The following CLTCL1 variants were observed in gnomAD, a reference collection of about 807,000 sequenced individuals.
The protein encoded by CLTCL1 is clathrin heavy chain like 1.
CLTCL1 carries 159 observed loss-of-function variants against 190.0 expected under a neutral mutation model. The ratio of observed to expected loss-of-function variants is 0.84; its 90% CI spans 0.74 to 0.95. CLTCL1 has a LOEUF of 0.95. Ranked by LOEUF, CLTCL1 falls within the 40% of genes least tolerant of loss-of-function variation. The probability of loss-of-function intolerance (pLI) is 0.00; values close to 1 mark genes in which losing one functional copy is unlikely to be tolerated. For missense variants in CLTCL1, 1,878 were observed against 2,033.4 expected (o/e 0.92, Z 1.47); for synonymous variants, 752 against 769.6 (o/e 0.98, Z 0.38).
chr22:19,190,944 A>C (rs1218705882), intron 27 of CLTCL1, among the ~76,000 whole-genome samples: 1 of 151,976 alleles, frequency 6.6e-6, no homozygotes. Context: ...CGCCCAGCTA[A>C]TTTTTGTATT....
At chr22:19,244,855 T>C (rs573232294) in intron 3 of CLTCL1, among the ~76,000 whole-genome samples, 45 of 152,344 alleles carry the variant, frequency 3.0e-4, no homozygotes, top group African/African-American at 1.1e-3. Context: ...AGCAAATGCA[T>C]TCATTGTGCC....
chr22:19,290,776 T>C (rs1462559840), intron 1 of CLTCL1, among the ~76,000 whole-genome samples: 1 of 152,234 alleles, frequency 6.6e-6, no homozygotes, highest in East Asian at 1.9e-4. Flanking sequence ...CCTGTTCTTA[T>C]TGAATGAAGA....
Position 19,199,660 on chromosome 22 carries a change from G to A in CLTCL1, c.3873+74C>T, listed in dbSNP as rs2084817835. The A allele has an allele frequency of 5.4e-6, 6 of 1,120,132 alleles. 1 individual carries two copies. The South Asian group carries it at 9.0e-5, about 17-fold the overall frequency. The allele number at this position is 1,120,132 out of a possible 1,614,324, so 69.4% of individuals were successfully genotyped here. Reference sequence around the variant, plus strand: ...CACTGTGATGGTCACGAGCTAAGGGGATGACCGTGCCTCTCTGTGGAGTGT... The same window carrying A: ...CACTGTGATGGTCACGAGCTAAGGGAATGACCGTGCCTCTCTGTGGAGTGT... On this transcript the variant is annotated intron_variant, in intron 24 of 32. Transcript: ENST00000427926.
chr22:19,199,677 G>A, intron 24 of CLTCL1, 57 bp downstream of exon 24: 1 of 1,350,628 alleles, frequency 7.4e-7, no homozygotes, highest in South Asian at 1.3e-5. Context: ...GTGCCTCTCT[G>A]TGGAGTGTTT....
chr22:19,216,409 A>C (rs2085386853), intron 18 of CLTCL1, among the ~76,000 whole-genome samples, 153 bp from the exon 19 acceptor site: 1 of 152,270 alleles, frequency 6.6e-6, no homozygotes, highest in Non-Finnish European at 1.5e-5. Context: ...AAGGGTTTTC[A>C]AAGTTAATTT....
At chr22:19,260,779 CAAAAAAAA>C (rs34267370) in intron 2 of CLTCL1, among the ~76,000 whole-genome samples, 5 of 56,938 alleles carry the variant, frequency 8.8e-5, no homozygotes, top group African/African-American at 3.5e-4. Flanking sequence ...AACTCTGTCT[CAAAAAAAA>C]AAAAAAAAAA....
intron 22 of CLTCL1, among the ~76,000 whole-genome samples, chr22:19,202,326 G>T (rs1299494497): frequency 6.9e-6 from 1 of 145,832 alleles, no homozygotes; most frequent in Non-Finnish European, 1.5e-5. Context: ...ATTCATGAAG[G>T]CTAACATCAA....
chr22:19,261,335 C>A (rs2086943478), intron 2 of CLTCL1, among the ~76,000 whole-genome samples: 1 of 152,164 alleles, frequency 6.6e-6, no homozygotes, highest in South Asian at 2.1e-4. Flanking sequence ...TGGTCTCGAC[C>A]TCCTGACCTT....
At chr22:19,252,381 G>A (rs1309651708) in intron 3 of CLTCL1, among the ~76,000 whole-genome samples, 18 of 152,002 alleles carry the variant, frequency 1.2e-4, no homozygotes, top group African/African-American at 3.1e-4. Context: ...TATCATCCAC[G>A]GTGGGTGACC....
intron 3 of CLTCL1, among the ~76,000 whole-genome samples, chr22:19,252,810 C>T (rs1397742807): frequency 2.0e-4 from 30 of 152,194 alleles, no homozygotes; most frequent in Admixed American, 6.5e-4. Flanking sequence ...GTCAGGAGAT[C>T]AAGGCCATCC....
At chr22:19,262,440 G>A (rs1555976017) in intron 2 of CLTCL1, among the ~76,000 whole-genome samples, 1 of 150,032 alleles carries the variant, frequency 6.7e-6, no homozygotes, top group African/African-American at 2.4e-5. Context: ...AGACCATCCT[G>A]GCTAATGTGG....
intron 2 of CLTCL1, among the ~76,000 whole-genome samples, chr22:19,269,914 T>A (rs1417305993): frequency 6.6e-6 from 1 of 151,662 alleles, no homozygotes; most frequent in Non-Finnish European, 1.5e-5. Flanking sequence ...ACCTGCATGT[T>A]CTGCACATGT....
chr22:19,244,956 G>GC (rs2086370916), intron 3 of CLTCL1, among the ~76,000 whole-genome samples: 3 of 152,142 alleles, frequency 2.0e-5, no homozygotes, highest in Admixed American at 1.3e-4. Context: ...AAGTACACAA[G>GC]CAACTGCAAT....
In CLTCL1 at chr22:19,264,517, A is replaced by T. The variant is rs150204668; in HGVS notation, c.251-10290T>A. Among the ~76,000 whole-genome samples, 729 of 152,290 alleles carry T rather than the reference A, an allele frequency of 4.8e-3. 5 individuals carry two copies. Among genetic ancestry groups the T allele is most frequent in the Admixed American group, 8.9e-3 (136 of 15,284 alleles). On this transcript the variant is annotated intron_variant, in intron 2 of 32. Transcript: ENST00000427926. ...ATGTTAACAGCGGAATTATTTACAG[A>T]TCTAGCTTTTTTTGAGGTACTACTA...
chr22:19,224,076 T>C (rs1555954336), intron 13 of CLTCL1, 22 bp from the exon 14 acceptor site: 1 of 1,613,104 alleles, frequency 6.2e-7, no homozygotes, highest in East Asian at 2.2e-5. Context: ...GACCATTCCA[T>C]TTTTGTCCTT....
chr22:19,265,314 T>C (rs2087086082), intron 2 of CLTCL1, among the ~76,000 whole-genome samples: 1 of 152,188 alleles, frequency 6.6e-6, no homozygotes, highest in South Asian at 2.1e-4. Context: ...TAACAGCTTA[T>C]GGTAAATGAC....
rs901270141 is a variant in CLTCL1, at chr22:19,291,299, G to C, written c.42+301C>G. ...GCCCTTGGGTTGCCCTGCCTGCAGC[G>C]GGAATTTGTGTGCCTCCTCGCGGGC... On this transcript the variant is annotated intron_variant, in intron 1 of 32. Transcript: ENST00000427926. 2.6e-5 allele frequency among the ~76,000 whole-genome samples: 4 copies of C among 152,194 alleles called. No homozygotes were observed. The South Asian group carries it at 8.3e-4, about 31-fold the overall frequency.
At chr22:19,214,008 C>T (rs1265338955) in intron 19 of CLTCL1, among the ~76,000 whole-genome samples, 5 of 152,182 alleles carry the variant, frequency 3.3e-5, no homozygotes, top group Admixed American at 1.3e-4. Flanking sequence ...ATTTCTACTG[C>T]TATCTGGTAT....
At chr22:19,240,315 A>C (rs1337171447) in intron 4 of CLTCL1, among the ~76,000 whole-genome samples, 4 of 152,114 alleles carry the variant, frequency 2.6e-5, no homozygotes, top group African/African-American at 4.8e-5. Context: ...AGTCCACAAC[A>C]AAATCCAAAA....
Sources: gnomAD v4.1 joint callset for allele counts (sites outside exome capture counted in the v4.1 genomes callset) on GRCh38, gnomAD v4.1.1 for gene constraint, MANE v1.5 for transcripts, NCBI Gene and HGNC (gene_info 2026-07-23, HGNC 2026-07-21) for gene names.